Variants in FBXO28 observed in about 807,000 individuals in gnomAD.
FBXO28 encodes the protein F-box only protein 28.
In FBXO28, 8 loss-of-function variants were observed where a neutral mutation model predicts 38.1. The ratio of observed to expected loss-of-function variants is 0.21; its 90% CI spans 0.12 to 0.38. The LOEUF is 0.38. Among genes scored for constraint, FBXO28 ranks in the 10% least tolerant of loss-of-function variants. The probability of loss-of-function intolerance (pLI) is 1.00; values close to 1 mark genes in which losing one functional copy is unlikely to be tolerated. For missense variants in FBXO28, 345 were observed against 460.6 expected (o/e 0.75, Z 2.30); for synonymous variants, 168 against 173.8 (o/e 0.97, Z 0.26).
intron 3 of FBXO28, among the ~76,000 whole-genome samples, chr1:224,150,516 TATAA>T (rs1342171915): frequency 1.3e-5 from 2 of 152,210 alleles, no homozygotes; most frequent in African/African-American, 4.8e-5. Flanking sequence ...CTTGATTATG[TATAA>T]ATATTATATA....
intron 3 of FBXO28, among the ~76,000 whole-genome samples, chr1:224,139,041 C>G (rs771602653): frequency 4.0e-5 from 6 of 151,736 alleles, no homozygotes; most frequent in African/African-American, 7.3e-5. Context: ...CCTTAGCCTC[C>G]CAAAGTGCTG....
chr1:224,134,414 C>A (rs1458747263), intron 3 of FBXO28: 1 of 453,874 alleles, frequency 2.2e-6, no homozygotes, highest in East Asian at 4.3e-5. Context: ...ATGAAATAGT[C>A]GAAACCCTAA....
chr1:224,142,959 T>C (rs954355165), intron 3 of FBXO28, among the ~76,000 whole-genome samples: 1 of 150,366 alleles, frequency 6.7e-6, no homozygotes, highest in African/African-American at 2.5e-5. Flanking sequence ...TAAATAATCG[T>C]GCCACTGAAC....
chr1:224,134,385 TA>T, intron 3 of FBXO28, 173 bp downstream of exon 3: 1 of 522,800 alleles, frequency 1.9e-6, no homozygotes, highest in Non-Finnish European at 3.2e-6. Flanking sequence ...GTATGATCTT[TA>T]TATTTAAAAT....
chr1:224,139,776 A>ACATACATG (rs1558192800), intron 3 of FBXO28, among the ~76,000 whole-genome samples: 1 of 134,202 alleles, frequency 7.5e-6, no homozygotes, highest in Non-Finnish European at 1.7e-5. Flanking sequence ...ATACATACAT[A>ACATACATG]CATACATACA....
intron 1 of FBXO28, among the ~76,000 whole-genome samples, chr1:224,122,230 A>G (rs1481083519): frequency 6.6e-6 from 1 of 152,184 alleles, no homozygotes; most frequent in Non-Finnish European, 1.5e-5. Flanking sequence ...TTCATTTTTT[A>G]AATGATTTTT....
At chr1:224,148,669 GAAAA>G (rs1240562426) in intron 3 of FBXO28, among the ~76,000 whole-genome samples, 1 of 135,404 alleles carries the variant, frequency 7.4e-6, no homozygotes, top group Non-Finnish European at 1.6e-5. Flanking sequence ...CTCAAAAAAA[GAAAA>G]AAAAAAAGAA....
chr1:224,139,447 T>A (rs1657285033), intron 3 of FBXO28, among the ~76,000 whole-genome samples: 1 of 151,822 alleles, frequency 6.6e-6, no homozygotes, highest in Non-Finnish European at 1.5e-5. Context: ...TATTTTCTCT[T>A]TATAAATACA....
At chr1:224,117,165 ATT>A (rs71168310) in intron 1 of FBXO28, among the ~76,000 whole-genome samples, 3 of 122,184 alleles carry the variant, frequency 2.5e-5, no homozygotes, top group Non-Finnish European at 1.6e-5. Flanking sequence ...AATAAATTGG[ATT>A]TTTTTTTTTT....
chr1:224,118,004 T>A (rs975269902), intron 1 of FBXO28, among the ~76,000 whole-genome samples: 1,246 of 29,044 alleles, frequency 0.043, 10 homozygotes, highest in African/African-American at 0.057. Context: ...TTAATTAATT[T>A]ATTTATTTAT....
intron 2 of FBXO28, among the ~76,000 whole-genome samples, chr1:224,132,222 A>G (rs1657065334): frequency 1.3e-5 from 2 of 152,190 alleles, no homozygotes; most frequent in Non-Finnish European, 2.9e-5. Context: ...ACAGCACTCC[A>G]ATCTGGGTGA....
At chr1:224,116,703 A>G (rs757325239) in intron 1 of FBXO28, among the ~76,000 whole-genome samples, 18 of 152,226 alleles carry the variant, frequency 1.2e-4, no homozygotes, top group Non-Finnish European at 2.1e-4. Flanking sequence ...AATGTAGACA[A>G]TAAATAGGTA....
chr1:224,142,468 AC>A (rs71570491), intron 3 of FBXO28, among the ~76,000 whole-genome samples: 24,060 of 151,832 alleles, frequency 0.16, 2,049 homozygotes, highest in Middle Eastern at 0.24. Flanking sequence ...TAACTTCTTG[AC>A]TTTTTTGTAA....
At position 224,114,297 on chromosome 1, in the gene FBXO28, C is replaced by T; in HGVS notation, c.168C>T (p.Asp56=). 1 of 1,564,154 alleles carries T rather than the reference C, an allele frequency of 6.4e-7. No homozygotes were observed. The highest frequency in any genetic ancestry group is 8.7e-7 in the Non-Finnish European group (1 of 1,154,302). The change falls in exon 1 of 5, where the codon GAC becomes GAT. Residue 56 remains aspartate (D), a synonymous_variant. Coordinates refer to ENST00000366862, the MANE Select transcript of FBXO28 (RefSeq NM_015176.4). ...TCCCAGCCCCCGCGCTGGCTCCGGA[C>T]CAGCTGCCTCAAAACAACACGCTTG... ...QALPAPALAP[D]QLPQNNTLVA...
Position 224,150,989 on chromosome 1 carries a change from A to T in FBXO28, c.517-2153A>T, listed in dbSNP as rs541903069. 4.1e-4 allele frequency among the ~76,000 whole-genome samples: 63 copies of T among 152,332 alleles called. 1 individual carries two copies. Among genetic ancestry groups the T allele is most frequent in the African/African-American group, 1.5e-3 (62 of 41,570 alleles). On this transcript the variant is annotated intron_variant, in intron 3 of 4. Coordinates refer to ENST00000366862, the MANE Select transcript of FBXO28 (RefSeq NM_015176.4). ...TAATGTTTATCTTACAAGTTATGAT[A>T]GGCTTACGTAATTAAATTGTAAGTC...
intron 1 of FBXO28, among the ~76,000 whole-genome samples, chr1:224,123,467 T>C (rs976509413): frequency 1.0e-5 from 1 of 99,070 alleles, no homozygotes; most frequent in Admixed American, 1.0e-4. Context: ...AAAAAAAAAA[T>C]TGGGTTCCAA....
At chr1:224,145,293 C>CAAAAAAAAAAAAAAAAAAAAAAAA (rs3035404) in intron 3 of FBXO28, among the ~76,000 whole-genome samples, 1 of 73,566 alleles carries the variant, frequency 1.4e-5, no homozygotes, top group Non-Finnish European at 2.4e-5. Context: ...GACTACATCT[C>CAAAAAAAAAAAAAAAAAAAAAAAA]AAAAAAAAAA....
At chr1:224,117,312 C>T (rs1441958420) in intron 1 of FBXO28, among the ~76,000 whole-genome samples, 5 of 151,858 alleles carry the variant, frequency 3.3e-5, no homozygotes, top group South Asian at 2.1e-4. Flanking sequence ...GAACTACAGG[C>T]GCACGCCACC....
rs1023524236 is a variant in FBXO28, at chr1:224,157,976, A to G, written c.*230A>G. 1.1e-4 allele frequency: 140 copies of G among 1,300,372 alleles called. No individual in the cohort carries two copies. Among genetic ancestry groups the G allele is most frequent in the Middle Eastern group, 2.9e-4 (1 of 3,422 alleles). The allele number at this position is 1,300,372 out of a possible 1,614,324, so 80.6% of individuals were successfully genotyped here. The stretch of plus-strand genomic sequence containing the variant: ...GATTTGTACTAACCAGACCTGTTCT[A>G]TCATGTTTTGAGGAGTTAACTTTTT... On this transcript the variant is annotated 3_prime_UTR_variant, in exon 5 of 5. Coordinates refer to ENST00000366862, the MANE Select transcript of FBXO28 (RefSeq NM_015176.4).
Sources: allele counts gnomAD v4.1 joint callset (sites outside exome capture counted in the v4.1 genomes callset), GRCh38; gene constraint gnomAD v4.1.1; transcripts MANE v1.5; gene names NCBI Gene and HGNC (gene_info 2026-07-23, HGNC 2026-07-21).